Variants in GRIA4 observed in about 807,000 individuals in gnomAD.
The protein encoded by GRIA4 is glutamate ionotropic receptor AMPA type subunit 4, also known as glutamate receptor 4.
A neutral mutation model predicts 104.0 loss-of-function variants in GRIA4; 34 were observed. The ratio of observed to expected loss-of-function variants is 0.33; its 90% CI spans 0.25 to 0.44. The LOEUF (loss-of-function observed/expected upper bound fraction) is 0.44. GRIA4 is among the 20% of genes least tolerant of loss of function. GRIA4 has a pLI of 1.00. For synonymous variants in GRIA4, 386 were observed against 381.9 expected (o/e 1.01, Z -0.13); for missense variants, 750 against 1,096.5 (o/e 0.68, Z 4.46).
intron 3 of GRIA4, among the ~76,000 whole-genome samples, chr11:105,715,544 G>T (rs569971682): frequency 6.6e-6 from 1 of 152,096 alleles, no homozygotes; most frequent in Admixed American, 6.6e-5. Context: ...CAATACAAAA[G>T]ATTAAGAAAG....
intron 3 of GRIA4, among the ~76,000 whole-genome samples, chr11:105,644,934 A>G (rs1053170853): frequency 6.6e-6 from 1 of 152,172 alleles, no homozygotes; most frequent in African/African-American, 2.4e-5. Flanking sequence ...AGGTCTTACT[A>G]ATTCCTTCTA....
chr11:105,824,314 C>A (rs941235842), intron 4 of GRIA4, among the ~76,000 whole-genome samples: 1 of 151,958 alleles, frequency 6.6e-6, no homozygotes, highest in African/African-American at 2.4e-5. Context: ...TTAGTTGTTT[C>A]TTATGGTGTA....
chr11:105,830,391 T>C (rs998696635), intron 4 of GRIA4, among the ~76,000 whole-genome samples: 1 of 152,042 alleles, frequency 6.6e-6, no homozygotes, highest in African/African-American at 2.4e-5. Context: ...CTAAAATTTA[T>C]TAAAGTTTAT....
At chr11:105,752,951 G>A (rs1209327306) in intron 3 of GRIA4, 30 bp from the exon 4 acceptor site, 3 of 1,604,672 alleles carry the variant, frequency 1.9e-6, no homozygotes, top group South Asian at 2.2e-5. Context: ...TGTGCTAATA[G>A]TTTGTGGTGT....
intron 3 of GRIA4, among the ~76,000 whole-genome samples, chr11:105,654,543 T>C (rs1359245078): frequency 2.6e-5 from 4 of 152,248 alleles, no homozygotes; most frequent in Middle Eastern, 3.4e-3. Context: ...TAATGTTAAC[T>C]TTCTTATCTT....
intron 3 of GRIA4, among the ~76,000 whole-genome samples, chr11:105,698,370 T>G (rs1051146231): frequency 6.6e-6 from 1 of 152,188 alleles, no homozygotes; most frequent in African/African-American, 2.4e-5. Flanking sequence ...ACATGGCATC[T>G]TTTGGTTGCC....
chr11:105,711,122 G>A (rs991462609), intron 3 of GRIA4, among the ~76,000 whole-genome samples: 2 of 151,512 alleles, frequency 1.3e-5, no homozygotes, highest in African/African-American at 4.8e-5. Flanking sequence ...TTAGCTATGT[G>A]GTAAGAAATA....
chr11:105,741,282 G>T (rs1049706697), intron 3 of GRIA4, among the ~76,000 whole-genome samples: 2 of 152,130 alleles, frequency 1.3e-5, no homozygotes, highest in South Asian at 4.1e-4. Context: ...TTTTGACCCA[G>T]CTAAGTTTTA....
At chr11:105,963,118 T>C (rs1259998532) in intron 14 of GRIA4, among the ~76,000 whole-genome samples, 2 of 152,142 alleles carry the variant, frequency 1.3e-5, no homozygotes, top group Admixed American at 1.3e-4. Context: ...TAACTTCTTA[T>C]GGCTTCCTTA....
At chr11:105,799,896 T>C (rs1334432532) in intron 4 of GRIA4, among the ~76,000 whole-genome samples, 1 of 152,130 alleles carries the variant, frequency 6.6e-6, no homozygotes, top group Non-Finnish European at 1.5e-5. Flanking sequence ...CTTTCTCTAG[T>C]AACATTCAGC....
chr11:105,945,999 G>C (rs1948298341), intron 14 of GRIA4, among the ~76,000 whole-genome samples: 1 of 152,090 alleles, frequency 6.6e-6, no homozygotes, highest in Non-Finnish European at 1.5e-5. Flanking sequence ...AATATGATCA[G>C]TCTGGACTTT....
intron 3 of GRIA4, among the ~76,000 whole-genome samples, chr11:105,711,816 G>A (rs770591438): frequency 2.6e-5 from 4 of 152,070 alleles, no homozygotes; most frequent in Non-Finnish European, 5.9e-5. Flanking sequence ...TAGGCCTTGA[G>A]GCTCAATTCC....
At chr11:105,900,613 G>C (rs1049708038) in intron 7 of GRIA4, among the ~76,000 whole-genome samples, 1 of 150,762 alleles carries the variant, frequency 6.6e-6, no homozygotes, top group Admixed American at 6.7e-5. Flanking sequence ...TTGAGACAGA[G>C]TCTCTCTCCG....
chr11:105,883,789 C>T (rs901661749), intron 5 of GRIA4, among the ~76,000 whole-genome samples: 1 of 152,122 alleles, frequency 6.6e-6, no homozygotes, highest in Non-Finnish European at 1.5e-5. Flanking sequence ...TGGGTATATA[C>T]CCCGTAATGG....
chr11:105,653,428 A>G (rs1279350295), intron 3 of GRIA4, among the ~76,000 whole-genome samples: 4 of 152,206 alleles, frequency 2.6e-5, no homozygotes, highest in African/African-American at 7.2e-5. Context: ...CATGCACAGC[A>G]TGGTGACTCT....
At chr11:105,634,523 A>AG (rs1951152003) in intron 3 of GRIA4, among the ~76,000 whole-genome samples, 2 of 42,294 alleles carry the variant, frequency 4.7e-5, no homozygotes, top group Non-Finnish European at 1.8e-4. Flanking sequence ...GAAGAAAGAA[A>AG]GAAAGAAAAG....
intron 4 of GRIA4, among the ~76,000 whole-genome samples, chr11:105,774,699 T>A (rs369667888): frequency 9.9e-5 from 15 of 152,060 alleles, no homozygotes; most frequent in African/African-American, 3.6e-4. Context: ...TAAAAGAGAA[T>A]AAAGAAATGA....
chr11:105,805,148 C>A (rs959062404), intron 4 of GRIA4, among the ~76,000 whole-genome samples: 12 of 151,736 alleles, frequency 7.9e-5, no homozygotes, highest in African/African-American at 2.9e-4. Context: ...TTTAAGCTGG[C>A]CTTTCCTTAT....
chr11:105,909,472 AC>A (rs1270708642), intron 9 of GRIA4, among the ~76,000 whole-genome samples: 1 of 152,124 alleles, frequency 6.6e-6, no homozygotes, highest in African/African-American at 2.4e-5. Context: ...TGTCATATAG[AC>A]CTGAGTTTTG....
Sources: gnomAD v4.1 joint callset for allele counts (sites outside exome capture counted in the v4.1 genomes callset) on GRCh38, gnomAD v4.1.1 for gene constraint, MANE v1.5 for transcripts, NCBI Gene and HGNC (gene_info 2026-07-23, HGNC 2026-07-21) for gene names.